The following KCNIP4 variants were observed in gnomAD, a reference collection of about 807,000 sequenced individuals.
KCNIP4 encodes the protein potassium voltage-gated channel interacting protein 4.
A neutral mutation model predicts 34.0 loss-of-function variants in KCNIP4; 12 were observed. The ratio of observed to expected loss-of-function variants is 0.35; its 90% confidence interval spans 0.23 to 0.57. The LOEUF is 0.57. Ranked by LOEUF, KCNIP4 falls within the 20% of genes least tolerant of loss-of-function variation. The pLI, the probability that KCNIP4 is intolerant of heterozygous loss-of-function variation, is 0.83. For missense variants in KCNIP4, 238 were observed against 311.7 expected (o/e 0.76, Z 1.78); for synonymous variants, 124 against 102.2 (o/e 1.21, Z -1.29).
chr4:21,930,439 T>G (rs994269864), intron 1 of KCNIP4, among the ~76,000 whole-genome samples: 6 of 152,138 alleles, frequency 3.9e-5, no homozygotes, highest in African/African-American at 1.4e-4. Flanking sequence ...GACTTTACCT[T>G]GCTTAACACC....
In KCNIP4 at chr4:21,590,395, A is replaced by C. The variant is rs2109093842; in HGVS notation, c.61+358176T>G. On this transcript the variant is annotated intron_variant, in intron 1 of 8. Transcript: ENST00000382152. Reference sequence around the variant, plus strand: ...AAATAGATTGCAGGGCCCCTTGTTTAAAGAGTATGAATAATCTCAAGACTG... The same window carrying C: ...AAATAGATTGCAGGGCCCCTTGTTTCAAGAGTATGAATAATCTCAAGACTG... Among the ~76,000 whole-genome samples, 5 of 152,086 alleles carry C rather than the reference A, an allele frequency of 3.3e-5. No individual in the cohort carries two copies. The East Asian group carries it at 5.8e-4, about 18-fold the overall frequency.
At chr4:21,260,180 T>C (rs984784630) in intron 1 of KCNIP4, among the ~76,000 whole-genome samples, 1 of 141,890 alleles carries the variant, frequency 7.0e-6, no homozygotes, top group Non-Finnish European at 1.6e-5. Context: ...AAAGAGTCTC[T>C]GGCTTTAAGC....
intron 1 of KCNIP4, among the ~76,000 whole-genome samples, chr4:21,072,330 C>T (rs1445262658): frequency 6.6e-6 from 1 of 152,164 alleles, no homozygotes; most frequent in African/African-American, 2.4e-5. Flanking sequence ...TTAATGATTG[C>T]CATTCTAACT....
Position 21,294,923 on chromosome 4 carries a change from A to G in KCNIP4, c.62-412214T>C, listed in dbSNP as rs183566638. On this transcript the variant is annotated intron_variant, in intron 1 of 8. Transcript: ENST00000382152. ...AGAAGGAACTACTCAAAGGATAACA[A>G]CATTGTCTTCTTTTTTTGTGTGTGA... Among the ~76,000 whole-genome samples, 12 of 152,284 alleles carry G rather than the reference A, an allele frequency of 7.9e-5. No individual in the cohort carries two copies. In the South Asian group the frequency reaches 8.3e-4, roughly 11 times the overall value.
intron 5 of KCNIP4, among the ~76,000 whole-genome samples, chr4:20,735,893 T>C (rs1749514840): frequency 6.6e-6 from 1 of 152,214 alleles, no homozygotes; most frequent in African/African-American, 2.4e-5. Context: ...ATTCAGTTTA[T>C]AATCCACTTT....
At chr4:21,197,377 A>G (rs559610452) in intron 1 of KCNIP4, among the ~76,000 whole-genome samples, 15 of 152,320 alleles carry the variant, frequency 9.8e-5, no homozygotes, top group East Asian at 3.9e-4. Context: ...AGCTGTATCC[A>G]TGCCTTCATC....
At chr4:21,141,004 C>G (rs1751909162) in intron 1 of KCNIP4, among the ~76,000 whole-genome samples, 1 of 152,170 alleles carries the variant, frequency 6.6e-6, no homozygotes, top group Non-Finnish European at 1.5e-5. Context: ...CTTGGAGATG[C>G]TGTGAGTTTG....
intron 1 of KCNIP4, among the ~76,000 whole-genome samples, chr4:21,255,157 G>A (rs757007231): frequency 6.6e-6 from 1 of 151,918 alleles, no homozygotes; most frequent in East Asian, 1.9e-4. Flanking sequence ...AGAGGGAGAC[G>A]AGGCCCTACC....
rs186923691 is a variant in KCNIP4 at position 20,734,749 on chromosome 4, A to G, written c.430-14T>C. On this transcript the variant is annotated splice_polypyrimidine_tract_variant and intron_variant, in intron 5 of 8. Transcript: ENST00000382152. ...TTTGATGAAATCCTGAAAAGAAATA[A>G]AAATTCAATTTTATATGACATTTTT... 2,455 of 1,463,506 alleles carry G rather than the reference A, an allele frequency of 1.7e-3. 7 individuals are homozygous for G. Among genetic ancestry groups the G allele is most frequent in the Non-Finnish European group, 1.6e-3 (1,695 of 1,070,898 alleles). 90.7% of individuals were successfully genotyped at this position (1,463,506 alleles called of 1,614,324 possible).
At chr4:21,058,833 G>A (rs28739561) in intron 1 of KCNIP4, among the ~76,000 whole-genome samples, 15,587 of 152,112 alleles carry the variant, frequency 0.1, 849 homozygotes, top group South Asian at 0.15. Context: ...ACTGACTGTG[G>A]TAGGAACCCC....
At chr4:20,873,467 A>G (rs1723698775) in intron 2 of KCNIP4, among the ~76,000 whole-genome samples, 2 of 151,942 alleles carry the variant, frequency 1.3e-5, no homozygotes, top group South Asian at 2.1e-4. Flanking sequence ...TCTCTCAACA[A>G]TTTGTCTTCT....
chr4:20,752,248 A>G (rs779070384), intron 4 of KCNIP4, among the ~76,000 whole-genome samples: 1 of 151,840 alleles, frequency 6.6e-6, no homozygotes, highest in African/African-American at 2.4e-5. Flanking sequence ...TAGTAGAGAC[A>G]GGGTTTCATC....
chr4:21,616,139 T>C (rs192198778), intron 1 of KCNIP4, among the ~76,000 whole-genome samples: 1 of 152,300 alleles, frequency 6.6e-6, no homozygotes, highest in Admixed American at 6.5e-5. Flanking sequence ...CTGCCCTTCC[T>C]CTTGCATCTT....
At chr4:20,852,720 G>A (rs1027670133) in intron 2 of KCNIP4, among the ~76,000 whole-genome samples, 2 of 152,162 alleles carry the variant, frequency 1.3e-5, no homozygotes, top group African/African-American at 4.8e-5. Flanking sequence ...TGTTTACCTT[G>A]AAAACCCTAA....
intron 1 of KCNIP4, among the ~76,000 whole-genome samples, chr4:21,765,562 T>C (rs1718352946): frequency 6.6e-6 from 1 of 151,990 alleles, no homozygotes; most frequent in Non-Finnish European, 1.5e-5. Context: ...GGAATCAGGA[T>C]GGTGACTTGA....
At chr4:21,470,491 A>C (rs1231564664) in intron 1 of KCNIP4, among the ~76,000 whole-genome samples, 1 of 152,198 alleles carries the variant, frequency 6.6e-6, no homozygotes, top group Non-Finnish European at 1.5e-5. Context: ...TTCAGGAAAA[A>C]TAGATAATGT....
At chr4:21,114,391 G>A (rs1190324267) in intron 1 of KCNIP4, among the ~76,000 whole-genome samples, 2 of 151,790 alleles carry the variant, frequency 1.3e-5, no homozygotes, top group Non-Finnish European at 2.9e-5. Flanking sequence ...GATTATCCAG[G>A]GGCCTAAATA....
chr4:21,701,477 C>T (rs999725506), intron 1 of KCNIP4, among the ~76,000 whole-genome samples: 5 of 152,050 alleles, frequency 3.3e-5, no homozygotes, highest in Non-Finnish European at 5.9e-5. Context: ...AATCTTTCTG[C>T]AATAACCATA....
intron 1 of KCNIP4, among the ~76,000 whole-genome samples, chr4:21,523,104 A>T (rs1735680295): frequency 6.6e-6 from 1 of 152,088 alleles, no homozygotes; most frequent in Non-Finnish European, 1.5e-5. Flanking sequence ...ATGTTAGGTT[A>T]CAGCAAGAAG....
Sources: allele counts gnomAD v4.1 joint callset (sites outside exome capture counted in the v4.1 genomes callset), GRCh38; gene constraint gnomAD v4.1.1; transcripts MANE v1.5; gene names NCBI Gene and HGNC (gene_info 2026-07-23, HGNC 2026-07-21).